Variants in NRG4 observed in about 807,000 individuals in gnomAD.
NRG4 encodes neuregulin 4.
In NRG4, 10 loss-of-function variants were observed where a neutral mutation model predicts 15.0. That is an observed-to-expected ratio of 0.67 (90% confidence interval 0.41 to 1.13). NRG4 has a LOEUF of 1.13. NRG4 is among the 50% of genes most tolerant of loss of function. The probability of loss-of-function intolerance (pLI) is 0.00; values close to 1 mark genes in which losing one functional copy is unlikely to be tolerated. For synonymous variants in NRG4, 41 were observed against 50.1 expected (o/e 0.82, Z 0.77); for missense variants, 139 against 140.2 (o/e 0.99, Z 0.04).
intron 3 of NRG4, among the ~76,000 whole-genome samples, chr15:75,983,257 T>G (rs977807322): frequency 1.3e-5 from 2 of 152,050 alleles, no homozygotes; most frequent in African/African-American, 4.8e-5. Context: ...AGCAGAGAAA[T>G]GGTAAGTCTC....
intron 4 of NRG4, among the ~76,000 whole-genome samples, chr15:75,957,473 T>C (rs2032296173): frequency 6.6e-6 from 1 of 152,254 alleles, no homozygotes; most frequent in African/African-American, 2.4e-5. Context: ...AAGTCAGCTG[T>C]TGGTTTAATT....
intron 4 of NRG4, among the ~76,000 whole-genome samples, chr15:75,960,958 T>G (rs2032487979): frequency 6.6e-6 from 1 of 152,236 alleles, no homozygotes; most frequent in Admixed American, 6.5e-5. Flanking sequence ...TTTCCTCCAA[T>G]TTTTAATTAT....
chr15:75,938,618 A>G (rs2030615867), downstream of NRG4: 1 of 151,910 alleles, frequency 6.6e-6, no homozygotes. Context: ...AGAAAAGTAT[A>G]ATAAATGAAA....
intron 4 of NRG4, among the ~76,000 whole-genome samples, chr15:76,039,244 A>G (rs1162462023): frequency 6.6e-6 from 1 of 152,218 alleles, no homozygotes; most frequent in Non-Finnish European, 1.5e-5. Context: ...CCATCCAGGA[A>G]AACATACCCT....
chr15:75,954,120 G>A (rs187202300), intron 5 of NRG4, among the ~76,000 whole-genome samples: 21 of 152,014 alleles, frequency 1.4e-4, no homozygotes, highest in East Asian at 1.2e-3. Context: ...TGCAGTTGTC[G>A]CACAGTTCAC....
chr15:75,983,832 A>G (rs2033693860), intron 3 of NRG4, among the ~76,000 whole-genome samples: 1 of 152,170 alleles, frequency 6.6e-6, no homozygotes, highest in African/African-American at 2.4e-5. Context: ...TCTAGGCTAA[A>G]TAGATTCAAC....
chr15:75,967,112 CA>C (rs1300663699), intron 3 of NRG4, among the ~76,000 whole-genome samples: 7,922 of 51,180 alleles, frequency 0.15, 125 homozygotes, highest in Non-Finnish European at 0.21. Context: ...GACTCCGTCT[CA>C]AAAAAAAAAA....
At chr15:76,035,003 C>T (rs1252694737) in intron 5 of NRG4, among the ~76,000 whole-genome samples, 1 of 152,210 alleles carries the variant, frequency 6.6e-6, no homozygotes, top group African/African-American at 2.4e-5. Flanking sequence ...ACAGAGCCAG[C>T]CTGCCATTGA....
chr15:76,027,046 G>A (rs142119915), intron 5 of NRG4, among the ~76,000 whole-genome samples: 5,628 of 152,124 alleles, frequency 0.037, 180 homozygotes, highest in African/African-American at 0.085. Context: ...GTATGAGCCC[G>A]GGAGGCAGAG....
At chr15:76,059,828 G>GGGCGCA (rs2036252908), upstream of NRG4, 1 of 145,910 alleles carries the variant, frequency 6.9e-6, no homozygotes, top group South Asian at 2.1e-4. Flanking sequence ...CGGGAGGCGA[G>GGGCGCA]GGCGCAGGCG....
At chr15:76,018,741 CT>C (rs1281992063) in intron 5 of NRG4, among the ~76,000 whole-genome samples, 1 of 152,198 alleles carries the variant, frequency 6.6e-6, no homozygotes, top group Non-Finnish European at 1.5e-5. Context: ...CCGGCTGGAG[CT>C]CTCCTGTATG....
intron 3 of NRG4, among the ~76,000 whole-genome samples, chr15:75,979,365 T>C (rs2033510038): frequency 6.6e-6 from 1 of 152,208 alleles, no homozygotes; most frequent in African/African-American, 2.4e-5. Flanking sequence ...TTATCTCCAA[T>C]CCATTGGGTG....
intron 3 of NRG4, among the ~76,000 whole-genome samples, chr15:75,974,872 G>A (rs927561445): frequency 6.6e-6 from 1 of 152,074 alleles, no homozygotes; most frequent in Non-Finnish European, 1.5e-5. Flanking sequence ...TATTAGGTCT[G>A]CTTGGTCCAG....
intron 4 of NRG4, among the ~76,000 whole-genome samples, chr15:76,051,098 C>T (rs1342989279): frequency 2.0e-5 from 3 of 147,528 alleles, no homozygotes; most frequent in East Asian, 3.9e-4. Flanking sequence ...CTCCGCCTGC[C>T]GGGTTCACGC....
intron 2 of NRG4, among the ~76,000 whole-genome samples, chr15:76,055,970 T>C (rs1347911014): frequency 6.6e-6 from 1 of 152,234 alleles, no homozygotes; most frequent in Non-Finnish European, 1.5e-5. Flanking sequence ...AGTACTATCT[T>C]TGAAGATGGG....
At position 75,977,705 on chromosome 15, in the gene NRG4, C is replaced by A. The variant is rs754622269; in HGVS notation, c.105-15731G>T. On this transcript the variant is annotated intron_variant, in intron 3 of 5. Transcript: ENST00000394907. This position sits in a 1 kb window ranked among gnomAD's most constrained non-coding sequence, Gnocchi z 4.9. ...ACTTCAGTTGGAAATGCAGAAATCA[C>A]CTGCCTTCTGCATTGGTCTCGCTGG... Among the ~76,000 whole-genome samples the A allele has an allele frequency of 1.3e-5, 2 of 152,222 alleles. No individual in the cohort carries two copies. The highest frequency in any genetic ancestry group is 2.9e-5 in the Non-Finnish European group (2 of 68,048).
intron 4 of NRG4, chr15:75,959,040 G>A (rs1240273904): frequency 3.7e-6 from 1 of 271,774 alleles, no homozygotes; most frequent in Non-Finnish European, 7.5e-6. Flanking sequence ...GAGTGCAGTA[G>A]TGCAGTCATG....
intron 3 of NRG4, among the ~76,000 whole-genome samples, chr15:75,990,125 G>A (rs573252038): frequency 3.3e-5 from 5 of 152,254 alleles, no homozygotes; most frequent in African/African-American, 1.2e-4. Context: ...GTTCACCTTC[G>A]AGCTTCCCAG....
chr15:75,982,435 T>C (rs2033642445), intron 3 of NRG4, among the ~76,000 whole-genome samples: 1 of 152,190 alleles, frequency 6.6e-6, no homozygotes, highest in Non-Finnish European at 1.5e-5. Context: ...TGGCCATTCT[T>C]GATTTAAAAC....
Sources: allele counts gnomAD v4.1 joint callset (sites outside exome capture counted in the v4.1 genomes callset), GRCh38; gene constraint gnomAD v4.1.1; non-coding constraint Gnocchi (gnomAD v3.1); transcripts MANE v1.5; gene names NCBI Gene and HGNC (gene_info 2026-07-23, HGNC 2026-07-21).